The following ANKRD36 variants were observed in gnomAD, a reference collection of about 807,000 sequenced individuals.
The protein encoded by ANKRD36 is ankyrin repeat domain 36.
Under a neutral mutation model 278.1 loss-of-function variants are expected in ANKRD36, and 179 were observed. The observed-to-expected ratio is 0.64, with a 90% CI of 0.57 to 0.73. The LOEUF (loss-of-function observed/expected upper bound fraction) is 0.73, where lower values mean the gene tolerates loss of function less well. Among genes scored for constraint, ANKRD36 ranks in the 30% least tolerant of loss-of-function variants. The probability of loss-of-function intolerance (pLI) is 0.00; values close to 1 mark genes in which losing one functional copy is unlikely to be tolerated. For synonymous variants in ANKRD36, 320 were observed against 641.1 expected (o/e 0.50, Z 7.57); for missense variants, 1,159 against 1,956.7 (o/e 0.59, Z 7.69).
chr2:97,124,484 T>C lies in ANKRD36; in HGVS notation c.618T>C (p.Thr206=). Residue 206 remains threonine (T), a synonymous_variant, in exon 5 of 76, where the codon ACT becomes ACC. Coordinates refer to ENST00000420699, the MANE Select transcript of ANKRD36 (RefSeq NM_001354587.1). The stretch of plus-strand genomic sequence containing the variant: ...GATCAGCCCTCATACATGCTGTTAC[T>C]CTTGGAGAAAAAGATATAGTCATTC... ...LGRSALIHAV[T]LGEKDIVILL... 2 of 1,550,630 alleles carry C rather than the reference T, an allele frequency of 1.3e-6. No individual in the cohort carries two copies. The highest frequency in any genetic ancestry group is 1.7e-6 in the Non-Finnish European group (2 of 1,146,376).
At chr2:97,164,543 T>G in intron 20 of ANKRD36, 74 bp downstream of exon 20, 1 of 1,472,414 alleles carries the variant, frequency 6.8e-7, no homozygotes, top group Non-Finnish European at 9.2e-7. Context: ...GTTTTTTGAT[T>G]CCCACTTTTT....
intron 24 of ANKRD36, among the ~76,000 whole-genome samples, chr2:97,180,960 G>A (rs1369141039): frequency 5.3e-5 from 8 of 151,694 alleles, no homozygotes; most frequent in Admixed American, 4.0e-4. Flanking sequence ...TGCCATGAGC[G>A]GATGAAGAAA....
intron 22 of ANKRD36, among the ~76,000 whole-genome samples, chr2:97,176,270 T>C (rs1391729091): frequency 6.7e-6 from 1 of 150,354 alleles, no homozygotes; most frequent in East Asian, 2.0e-4. Context: ...AGTCTCTTTG[T>C]AGGTCACTCA....
intron 67 of ANKRD36, among the ~76,000 whole-genome samples, chr2:97,229,428 A>G (rs1430037594): frequency 3.9e-5 from 6 of 152,046 alleles, no homozygotes; most frequent in Non-Finnish European, 7.3e-5. Flanking sequence ...TGTTGGTTTA[A>G]AGTCTGTTTT....
intron 8 of ANKRD36, among the ~76,000 whole-genome samples, chr2:97,144,239 G>A (rs2043656178): frequency 6.6e-6 from 1 of 152,200 alleles, no homozygotes; most frequent in South Asian, 2.1e-4. Flanking sequence ...TCATCACTCG[G>A]CATATCCACA....
intron 17 of ANKRD36, among the ~76,000 whole-genome samples, chr2:97,160,733 T>G (rs1432669313): frequency 6.6e-6 from 1 of 152,102 alleles, no homozygotes; most frequent in East Asian, 1.9e-4. Context: ...AGGTTTTACA[T>G]TTCTCTCTTA....
At chr2:97,158,738 T>A in intron 17 of ANKRD36, 83 bp downstream of exon 17, 1 of 1,324,866 alleles carries the variant, frequency 7.5e-7, no homozygotes, top group Non-Finnish European at 1.0e-6. Context: ...CTGTTAATGA[T>A]CTTTAGTTTT....
At chr2:97,122,861 T>G (rs1167765209) in intron 3 of ANKRD36, 26 bp from the exon 4 acceptor site, 1 of 1,523,438 alleles carries the variant, frequency 6.6e-7, no homozygotes, top group Non-Finnish European at 8.8e-7. Context: ...ATTTTGTGAT[T>G]ATAAATTGTT....
chr2:97,211,105 T>C (rs554473600), intron 56 of ANKRD36, among the ~76,000 whole-genome samples: 1 of 151,986 alleles, frequency 6.6e-6, no homozygotes, highest in African/African-American at 2.4e-5. Flanking sequence ...TCTCAGTTAT[T>C]GGGCAAGTTA....
At chr2:97,170,565 G>C (rs2153516753) in intron 22 of ANKRD36, among the ~76,000 whole-genome samples, 1 of 151,916 alleles carries the variant, frequency 6.6e-6, no homozygotes, top group Non-Finnish European at 1.5e-5. Flanking sequence ...AATTCAAGAT[G>C]GATTAAAGAT....
chr2:97,165,105 G>A (rs565258661), intron 20 of ANKRD36, among the ~76,000 whole-genome samples: 21 of 113,382 alleles, frequency 1.9e-4, no homozygotes, highest in Non-Finnish European at 3.5e-4. Flanking sequence ...CTGAATTAAC[G>A]TTTTTACTTT....
chr2:97,220,925 C>T (rs2067447601), intron 66 of ANKRD36, among the ~76,000 whole-genome samples: 1 of 103,242 alleles, frequency 9.7e-6, no homozygotes, highest in Admixed American at 1.1e-4. Flanking sequence ...TATCCCTCCC[C>T]CCTCCCCCGA....
intron 52 of ANKRD36, among the ~76,000 whole-genome samples, chr2:97,206,916 T>A (rs2063012250): frequency 6.6e-6 from 1 of 151,500 alleles, no homozygotes; most frequent in Non-Finnish European, 1.5e-5. Context: ...CAATAGCTAT[T>A]TCATGAAACT....
intron 62 of ANKRD36, chr2:97,216,898 T>C (rs2066070398): frequency 1.3e-6 from 1 of 746,606 alleles, no homozygotes; most frequent in Admixed American, 2.4e-5. Flanking sequence ...TCCTCATCAC[T>C]CAGCATATCC....
intron 1 of ANKRD36, 76 bp from the exon 2 acceptor site, chr2:97,117,988 G>T (rs1430220002): frequency 1.3e-6 from 2 of 1,512,056 alleles, no homozygotes; most frequent in African/African-American, 2.8e-5. Flanking sequence ...TTACATATTT[G>T]TTTTGAAGAC....
At chr2:97,157,317 A>G (rs1445552304) in intron 15 of ANKRD36, among the ~76,000 whole-genome samples, 1 of 151,062 alleles carries the variant, frequency 6.6e-6, no homozygotes, top group African/African-American at 2.4e-5. Flanking sequence ...TATGAACACA[A>G]GCTTTTCTTT....
intron 42 of ANKRD36, among the ~76,000 whole-genome samples, chr2:97,198,162 A>G (rs1243801579): frequency 1.3e-5 from 2 of 151,930 alleles, no homozygotes; most frequent in East Asian, 3.9e-4. Flanking sequence ...CTCTGATTTT[A>G]GATCACTTTG....
At position 97,209,770 on chromosome 2, in the gene ANKRD36, A is replaced by G. The variant is rs750420323; in HGVS notation, c.3295-30A>G. On this transcript the variant is annotated intron_variant, in intron 55 of 75. Transcript: ENST00000420699. Reference sequence around the variant, plus strand: ...ACGTATAGCCTATGAAAGATACCTTACTTATTATTTCATTTCAAATTCCAT... The same window carrying G: ...ACGTATAGCCTATGAAAGATACCTTGCTTATTATTTCATTTCAAATTCCAT... 8.2e-6 allele frequency: 13 copies of G among 1,588,822 alleles called. No homozygotes were observed. The South Asian group carries it at 1.1e-4, about 14-fold the overall frequency.
At chr2:97,227,552 A>G (rs1330075030) in intron 67 of ANKRD36, among the ~76,000 whole-genome samples, 2 of 152,104 alleles carry the variant, frequency 1.3e-5, no homozygotes, top group Admixed American at 6.5e-5. Context: ...TTCTAGATAT[A>G]CAATCATGTC....
Sources: gnomAD v4.1 joint callset for allele counts (sites outside exome capture counted in the v4.1 genomes callset) on GRCh38, gnomAD v4.1.1 for gene constraint, MANE v1.5 for transcripts, NCBI Gene and HGNC (gene_info 2026-07-23, HGNC 2026-07-21) for gene names.